The following DYRK1A variants were observed in gnomAD, a reference collection of about 807,000 sequenced individuals.
DYRK1A encodes the protein dual specificity tyrosine-phosphorylation-regulated kinase 1A.
A neutral mutation model predicts 79.7 loss-of-function variants in DYRK1A; 9 were observed. The ratio of observed to expected loss-of-function variants is 0.11; its 90% CI spans 0.07 to 0.20. DYRK1A has a LOEUF of 0.20. DYRK1A is among the 10% of genes least tolerant of loss of function. The probability of loss-of-function intolerance (pLI) is 1.00; values close to 1 mark genes in which losing one functional copy is unlikely to be tolerated. For synonymous variants in DYRK1A, 349 were observed against 329.7 expected, an observed-to-expected ratio of 1.06 and a Z score of -0.63; for missense variants, 622 against 956.0, an observed-to-expected ratio of 0.65 and a Z score of 4.61.
intron 2 of DYRK1A, among the ~76,000 whole-genome samples, chr21:37,452,321 C>G (rs1309038475): frequency 1.5e-5 from 2 of 137,236 alleles, no homozygotes; most frequent in Non-Finnish European, 1.5e-5. Context: ...TTCCAGAGGC[C>G]AAAGTCACAG....
At chr21:37,435,010 A>T (rs1300059618) in intron 2 of DYRK1A, among the ~76,000 whole-genome samples, 1 of 152,252 alleles carries the variant, frequency 6.6e-6, no homozygotes. Context: ...TTAAAATTAC[A>T]ACAAATGCAC....
At chr21:37,487,822 A>T (rs574438726) in intron 6 of DYRK1A, 1 of 152,176 alleles carries the variant, frequency 6.6e-6, no homozygotes, top group East Asian at 1.9e-4. Flanking sequence ...TATAATTCAT[A>T]ATAATACCAT....
intron 1 of DYRK1A, among the ~76,000 whole-genome samples, chr21:37,413,984 T>C (rs530117218): frequency 2.0e-5 from 3 of 152,284 alleles, no homozygotes; most frequent in Admixed American, 6.5e-5. Flanking sequence ...AGGTGTTTGC[T>C]TAAAATGCAT....
intron 1 of DYRK1A, among the ~76,000 whole-genome samples, chr21:37,379,913 T>C (rs530061810): frequency 6.6e-6 from 1 of 152,344 alleles, no homozygotes; most frequent in South Asian, 2.1e-4. Flanking sequence ...GAATCAGTGC[T>C]GAAACAAAGG....
chr21:37,472,361 A>G (rs919321214), intron 2 of DYRK1A, among the ~76,000 whole-genome samples: 4 of 152,178 alleles, frequency 2.6e-5, no homozygotes, highest in African/African-American at 7.2e-5. Flanking sequence ...TTAAAAGATT[A>G]CTTATTTAAC....
chr21:37,499,137 CT>C (rs1287165633), intron 9 of DYRK1A, among the ~76,000 whole-genome samples: 1 of 152,042 alleles, frequency 6.6e-6, no homozygotes. Flanking sequence ...TATTTGTCAA[CT>C]TTTTTTGTTT....
intron 1 of DYRK1A, among the ~76,000 whole-genome samples, chr21:37,390,648 A>C (rs2049852915): frequency 6.6e-6 from 1 of 152,054 alleles, no homozygotes; most frequent in Admixed American, 6.5e-5. Flanking sequence ...GGCTCATTGC[A>C]ACCTCCGCTT....
chr21:37,479,418 C>T (rs1273730433), intron 4 of DYRK1A, among the ~76,000 whole-genome samples: 1 of 151,016 alleles, frequency 6.6e-6, no homozygotes, highest in African/African-American at 2.5e-5. Context: ...CAGTAGCTTT[C>T]TTGGAGCTTG....
At chr21:37,511,513 C>T (rs1456823039) in intron 11 of DYRK1A, among the ~76,000 whole-genome samples, 3 of 152,046 alleles carry the variant, frequency 2.0e-5, no homozygotes, top group Non-Finnish European at 2.9e-5. Flanking sequence ...AGATAGTAGT[C>T]CTTTATTGAA....
intron 1 of DYRK1A, among the ~76,000 whole-genome samples, chr21:37,382,551 CACTT>C (rs1179290488): frequency 2.0e-5 from 3 of 152,168 alleles, no homozygotes; most frequent in African/African-American, 7.2e-5. Context: ...TGTGGGATCA[CACTT>C]ACTTTACCAA....
At chr21:37,404,397 C>G (rs768423056) in intron 1 of DYRK1A, among the ~76,000 whole-genome samples, 4 of 152,198 alleles carry the variant, frequency 2.6e-5, no homozygotes, top group Non-Finnish European at 5.9e-5. Context: ...CATTTTGGTT[C>G]TGGTCTCAGC....
In DYRK1A at chr21:37,486,459, T is replaced by C. The variant is rs1022823193; in HGVS notation, c.490-8T>C. 1.4e-6 allele frequency: 2 copies of C among 1,431,336 alleles called. No individual in the cohort carries two copies. The highest frequency in any genetic ancestry group is 2.7e-5 in the East Asian group (1 of 37,648). 88.7% of individuals were successfully genotyped at this position (1,431,336 alleles called of 1,614,324 possible). A position where few individuals can be genotyped will look rare whatever the true frequency, so the allele number is the denominator to read the frequency against. On this transcript the variant is annotated splice_region_variant and splice_polypyrimidine_tract_variant and intron_variant, in intron 5 of 11. Transcript: ENST00000647188. ...ATGAAATAGAGAATTATTCATCTTC[T>C]CTTTTAGGTTGTAAAGGCATATGAT...
intron 2 of DYRK1A, among the ~76,000 whole-genome samples, chr21:37,450,894 A>C (rs2051424744): frequency 6.9e-6 from 1 of 145,972 alleles, no homozygotes; most frequent in Non-Finnish European, 1.5e-5. Context: ...AGCAGAATAC[A>C]GTCATGCACC....
chr21:37,496,606 A>T (rs958630797), intron 9 of DYRK1A, among the ~76,000 whole-genome samples: 1 of 152,234 alleles, frequency 6.6e-6, no homozygotes, highest in African/African-American at 2.4e-5. Context: ...GTCACAGTTA[A>T]TACTGCAGCT....
intron 1 of DYRK1A, among the ~76,000 whole-genome samples, chr21:37,384,325 G>A (rs1300620397): frequency 3.3e-5 from 5 of 152,074 alleles, no homozygotes; most frequent in African/African-American, 1.2e-4. Context: ...AGTTTCTGGG[G>A]GAGCTGTAAG....
At chr21:37,447,582 C>T (rs531602581) in intron 2 of DYRK1A, among the ~76,000 whole-genome samples, 6 of 152,038 alleles carry the variant, frequency 3.9e-5, no homozygotes, top group Non-Finnish European at 8.8e-5. Context: ...CTTCATCTTC[C>T]GCAAAGCCTA....
chr21:37,370,708 T>C (rs1602345757), intron 1 of DYRK1A, among the ~76,000 whole-genome samples: 1 of 152,212 alleles, frequency 6.6e-6, no homozygotes. Flanking sequence ...GTTAGTCTTA[T>C]TTTGTAGTAA....
chr21:37,365,793 T>A (rs1015569177), upstream of DYRK1A: 2 of 152,466 alleles, frequency 1.3e-5, no homozygotes, highest in Non-Finnish European at 2.9e-5. Flanking sequence ...GGGATTCATC[T>A]AAAGGGCATT....
At chr21:37,495,869 C>G (rs1424706375) in intron 8 of DYRK1A, among the ~76,000 whole-genome samples, 7 of 152,136 alleles carry the variant, frequency 4.6e-5, no homozygotes, top group Non-Finnish European at 7.4e-5. Flanking sequence ...TCTTTCCTTA[C>G]TGTTCAACAT....
Sources: gnomAD v4.1 joint callset for allele counts (sites outside exome capture counted in the v4.1 genomes callset) on GRCh38, gnomAD v4.1.1 for gene constraint, MANE v1.5 for transcripts, NCBI Gene and HGNC (gene_info 2026-07-23, HGNC 2026-07-21) for gene names.